The following LRRC32 variants were observed in gnomAD, a reference collection of about 807,000 sequenced individuals.
LRRC32 encodes transforming growth factor beta activator LRRC32.
LRRC32 carries 5 observed loss-of-function variants against 15.0 expected under a neutral mutation model. The ratio of observed to expected loss-of-function variants is 0.33; its 90% CI spans 0.17 to 0.70. The LOEUF (loss-of-function observed/expected upper bound fraction) is 0.70. Among genes scored for constraint, LRRC32 ranks in the 30% least tolerant of loss-of-function variants. LRRC32 has a pLI of 0.66. For missense variants in LRRC32, 803 were observed against 854.2 expected, an observed-to-expected ratio of 0.94 and a Z score of 0.75; for synonymous variants, 391 against 403.9, an observed-to-expected ratio of 0.97 and a Z score of 0.38.
At position 76,665,857 on chromosome 11, in the gene LRRC32, G is replaced by A; in HGVS notation, c.84+14C>T. Reference sequence around the variant, plus strand: ...TGGGGGTGGTCCTCACCCTGTCTGGGCAGAGCATCTTACCATCTTACAGGG... The same window carrying A: ...TGGGGGTGGTCCTCACCCTGTCTGGACAGAGCATCTTACCATCTTACAGGG... On this transcript the variant is annotated intron_variant, in intron 2 of 2. Coordinates refer to ENST00000260061, the MANE Select transcript of LRRC32 (RefSeq NM_001128922.2). The A allele has an allele frequency of 6.2e-7, 1 of 1,613,976 alleles. No homozygotes were observed. Among genetic ancestry groups the A allele is most frequent in the Non-Finnish European group, 8.5e-7 (1 of 1,179,920 alleles).
intron 2 of LRRC32, among the ~76,000 whole-genome samples, chr11:76,665,199 G>A (rs1403705356): frequency 6.6e-6 from 1 of 152,206 alleles, no homozygotes; most frequent in Non-Finnish European, 1.5e-5. Flanking sequence ...CCTTGCCCTA[G>A]GGAAGTTCAT....
At chr11:76,669,653 A>G (rs772635224) in intron 1 of LRRC32, 4 of 152,178 alleles carry the variant, frequency 2.6e-5, no homozygotes, top group African/African-American at 9.7e-5. Flanking sequence ...ATCCAGTTCT[A>G]CATGACCTGA....
In LRRC32 at chr11:76,660,622, T is replaced by C. The variant is rs1952503685; in HGVS notation, c.971A>G (p.Tyr324Cys). The C allele has an allele frequency of 6.2e-7, 1 of 1,614,038 alleles. No individual in the cohort carries two copies. Among genetic ancestry groups the C allele is most frequent in the South Asian group, 1.1e-5 (1 of 91,086 alleles). The change falls in exon 3 of 3, where the codon TAC becomes TGC. Residue 324 changes from tyrosine to cysteine, a missense_variant. Transcript: ENST00000260061. ...LSQLLNLDLS[Y>C]NEIELIPDSF... ...GTCGGGGATGAGCTCAATCTCATTG[T>C]AGCTCAAATCCAGATTCAAGAGCTG...
rs770202455 is a variant in LRRC32, at chr11:76,659,441, G to T, written c.*163C>A. ...CTGGACCCAAAGTGCAGCCCGGGAA[G>T]GGGGTCACCCACTGATGCAGCAGGC... is the stretch of plus-strand genomic sequence containing the variant. On this transcript the variant is annotated 3_prime_UTR_variant, in exon 3 of 3. Coordinates refer to ENST00000260061, the MANE Select transcript of LRRC32 (RefSeq NM_001128922.2). 1.0e-5 allele frequency: 8 copies of T among 765,608 alleles called. No homozygotes were observed. The highest frequency in any genetic ancestry group is 2.0e-6 in the Non-Finnish European group (1 of 491,216). 47.4% of individuals were successfully genotyped at this position (765,608 alleles called of 1,614,324 possible). A position where few individuals can be genotyped will look rare whatever the true frequency, so the allele number is the denominator to read the frequency against.
chr11:76,659,317 G>C lies in LRRC32; in HGVS notation c.*287C>G, dbSNP rs1431950219. On this transcript the variant is annotated 3_prime_UTR_variant, in exon 3 of 3. Coordinates refer to ENST00000260061, the MANE Select transcript of LRRC32 (RefSeq NM_001128922.2). Reference sequence around the variant, plus strand: ...CAGCATTCCCAGTGCCCAGAGCAGGGTGTGGCACAAAATACATGCTCAGTG... The same window carrying C: ...CAGCATTCCCAGTGCCCAGAGCAGGCTGTGGCACAAAATACATGCTCAGTG... 1 of 406,348 alleles carries C rather than the reference G, an allele frequency of 2.5e-6. No homozygotes were observed. The highest frequency in any genetic ancestry group is 2.0e-5 in the African/African-American group (1 of 49,856). 25.2% of individuals were successfully genotyped at this position (406,348 alleles called of 1,614,324 possible).
intron 2 of LRRC32, 100 bp downstream of exon 2, chr11:76,665,771 C>T (rs1952615468): frequency 3.8e-6 from 6 of 1,559,100 alleles, no homozygotes; most frequent in Middle Eastern, 1.7e-4. Flanking sequence ...CTTTCCTCTC[C>T]TGACTCTTCT....
At position 76,659,445 on chromosome 11, in the gene LRRC32, G is replaced by A. The variant is rs922589242; in HGVS notation, c.*159C>T. On this transcript the variant is annotated 3_prime_UTR_variant, in exon 3 of 3. Transcript: ENST00000260061. The stretch of plus-strand genomic sequence containing the variant: ...ACCCAAAGTGCAGCCCGGGAAGGGG[G>A]TCACCCACTGATGCAGCAGGCGGCA... 3 of 796,820 alleles carry A rather than the reference G, an allele frequency of 3.8e-6. No individual in the cohort carries two copies. The highest frequency in any genetic ancestry group is 3.5e-5 in the African/African-American group (2 of 57,548). The allele number at this position is 796,820 out of a possible 1,614,324, so 49.4% of individuals were successfully genotyped here.
At chr11:76,665,571 G>A (rs1461617160) in intron 2 of LRRC32, among the ~76,000 whole-genome samples, 1 of 152,180 alleles carries the variant, frequency 6.6e-6, no homozygotes. Flanking sequence ...TGTGGGGACA[G>A]CTTGGGGGAA....
chr11:76,660,079 A>T lies in LRRC32; in HGVS notation c.1514T>A (p.Val505Asp), dbSNP rs764702699. ...GAAGCAGGGCAGGTCCACCTGCAGGACCATCAGCCCGTTGCCCTGCAGTGC... is the reference window on the plus strand; with the variant it reads ...GAAGCAGGGCAGGTCCACCTGCAGGTCCATCAGCCCGTTGCCCTGCAGTGC... The part of the protein sequence containing the change: ...VLALQGNGLM[V>D]LQVDLPCFIC... The change falls in exon 3 of 3, where the codon GTC becomes GAC. Residue 505 changes from valine to aspartate, a missense_variant. By Grantham distance (152) the Val-to-Asp change is radical. Coordinates refer to ENST00000260061, the MANE Select transcript of LRRC32 (RefSeq NM_001128922.2). 5.0e-6 allele frequency: 8 copies of T among 1,613,896 alleles called. No homozygotes were observed. The African/African-American group carries it at 9.3e-5, about 19-fold the overall frequency.
At chr11:76,661,683 C>T (rs567979151) in intron 2 of LRRC32, among the ~76,000 whole-genome samples, 175 bp from the exon 3 acceptor site, 90 of 152,284 alleles carry the variant, frequency 5.9e-4, no homozygotes, top group African/African-American at 1.5e-3. Context: ...ATGACCCATC[C>T]GGCTCCCTGC....
intron 1 of LRRC32, among the ~76,000 whole-genome samples, chr11:76,669,443 T>C (rs1419214568): frequency 6.6e-6 from 1 of 150,768 alleles, no homozygotes; most frequent in Admixed American, 6.6e-5. Context: ...CAATGACTAC[T>C]ACCACAATAA....
Position 76,659,234 on chromosome 11 carries a change from C to T in LRRC32, c.*370G>A, listed in dbSNP as rs116329507. On this transcript the variant is annotated 3_prime_UTR_variant, in exon 3 of 3. Transcript: ENST00000260061. ...ACTGCGTGGCGGCCACGTGGCTCTGCAGCACTCTCTCCTACCAGACTGGGA... is the reference window on the plus strand; with the variant it reads ...ACTGCGTGGCGGCCACGTGGCTCTGTAGCACTCTCTCCTACCAGACTGGGA... 1.1e-3 allele frequency: 257 copies of T among 232,826 alleles called. 1 individual carries two copies. Among genetic ancestry groups the T allele is most frequent in the African/African-American group, 5.6e-3 (247 of 44,006 alleles). 14.4% of individuals were successfully genotyped at this position (232,826 alleles called of 1,614,324 possible).
In LRRC32 at chr11:76,659,753, G is replaced by A. The variant is rs1305581122; in HGVS notation, c.1840C>T (p.Arg614Cys). ...SQEEVSLSHV[R>C]PEDCEKGGLK... ...CCCCCCTTCTCACAGTCCTCGGGACGCACGTGGCTCAGGGACACCTCCTCC... is the reference window on the plus strand; with the variant it reads ...CCCCCCTTCTCACAGTCCTCGGGACACACGTGGCTCAGGGACACCTCCTCC... The change falls in exon 3 of 3, where the codon CGT becomes TGT. Residue 614 changes from arginine to cysteine, a missense_variant. Physicochemically the swap from Arg to Cys is radical, Grantham distance 180 (BLOSUM62 -3). Transcript: ENST00000260061. 5.0e-6 allele frequency: 8 copies of A among 1,614,048 alleles called. No homozygotes were observed. The highest frequency in any genetic ancestry group is 3.3e-5 in the Admixed American group (2 of 60,006).
In LRRC32 at chr11:76,658,269, A is replaced by C. The variant is rs1187461526; in HGVS notation, c.*1335T>G. On this transcript the variant is annotated 3_prime_UTR_variant, in exon 3 of 3. Coordinates refer to ENST00000260061, the MANE Select transcript of LRRC32 (RefSeq NM_001128922.2). ...CCCATCTGTGCAATGGGGAGGTTGGATTCCATAGTCTCAAACTCCAGGCTC... is the reference window on the plus strand; with the variant it reads ...CCCATCTGTGCAATGGGGAGGTTGGCTTCCATAGTCTCAAACTCCAGGCTC... 11 of 152,362 alleles carry C rather than the reference A, an allele frequency of 7.2e-5. No individual in the cohort carries two copies. The highest frequency in any genetic ancestry group is 6.5e-4 in the Admixed American group (10 of 15,274). 9.4% of individuals were successfully genotyped at this position (152,362 alleles called of 1,614,324 possible). A position where few individuals can be genotyped will look rare whatever the true frequency, so the allele number is the denominator to read the frequency against.
chr11:76,665,820 A>C, intron 2 of LRRC32, 51 bp downstream of exon 2: 6 of 1,611,916 alleles, frequency 3.7e-6, no homozygotes, highest in Non-Finnish European at 4.2e-6. Context: ...AGCACACCCT[A>C]GGGCAGGGAG....
chr11:76,659,676 G>T lies in LRRC32; in HGVS notation c.1917C>A (p.Ala639=). The T allele has an allele frequency of 6.2e-7, 1 of 1,614,220 alleles. No individual in the cohort carries two copies. The highest frequency in any genetic ancestry group is 8.5e-7 in the Non-Finnish European group (1 of 1,180,044). The change falls in exon 3 of 3, where the codon GCC becomes GCA. Residue 639 remains alanine, a synonymous_variant. Coordinates refer to ENST00000260061, the MANE Select transcript of LRRC32 (RefSeq NM_001128922.2). Reference sequence around the variant, plus strand: ...AGGCGGCCAGCGTGGTGAGGAGGATGGCAGAGACCAGTATGAAGGTGAGGA... The same window carrying T: ...AGGCGGCCAGCGTGGTGAGGAGGATTGCAGAGACCAGTATGAAGGTGAGGA... ...IIILTFILVS[A]ILLTTLAACC...
chr11:76,661,070 G>A lies in LRRC32; in HGVS notation c.523C>T (p.Leu175=), dbSNP rs1330467171. Residue 175 remains leucine, a synonymous_variant, in exon 3 of 3, where the codon CTG becomes TTG. Transcript: ENST00000260061. ...TTGCTATGCAGGTCAAGCTGCTCCA[G>A]CGCAGGCATGTCCCGGAAGGTGTGG... ...TRHTFRDMPA[L]EQLDLHSNVL... is the part of the protein sequence containing the mutation. The A allele has an allele frequency of 6.2e-7, 1 of 1,614,262 alleles. No homozygotes were observed. The highest frequency in any genetic ancestry group is 2.2e-5 in the East Asian group (1 of 44,892).
At position 76,659,542 on chromosome 11, in the gene LRRC32, C is replaced by T. The variant is rs759320604; in HGVS notation, c.*62G>A. The T allele has an allele frequency of 1.3e-4, 196 of 1,527,794 alleles. No individual in the cohort carries two copies. The highest frequency in any genetic ancestry group is 4.1e-4 in the Admixed American group (23 of 56,704). 94.6% of individuals were successfully genotyped at this position (1,527,794 alleles called of 1,614,324 possible). On this transcript the variant is annotated 3_prime_UTR_variant, in exon 3 of 3. Coordinates refer to ENST00000260061, the MANE Select transcript of LRRC32 (RefSeq NM_001128922.2). The stretch of plus-strand genomic sequence containing the variant: ...CCCGGATCACTGTGTGACCTTGAGT[C>T]AGTCCTCACTCTTCTCTGTACCTCA...
At chr11:76,661,558 G>A (rs1403346497) in intron 2 of LRRC32, 50 bp from the exon 3 acceptor site, 5 of 1,512,264 alleles carry the variant, frequency 3.3e-6, no homozygotes, top group Non-Finnish European at 4.4e-6. Context: ...GGCACGGTAG[G>A]GGATGAAACC....
Sources: gnomAD v4.1 joint callset for allele counts (sites outside exome capture counted in the v4.1 genomes callset) on GRCh38, gnomAD v4.1.1 for gene constraint, MANE v1.5 for transcripts, NCBI Gene and HGNC (gene_info 2026-07-23, HGNC 2026-07-21) for gene names.